Variants in ZNF695 observed in about 807,000 individuals in gnomAD.
ZNF695 encodes the protein zinc finger protein SBZF3.
Under a neutral mutation model 11.2 loss-of-function variants are expected in ZNF695, and 11 were observed. That is an observed-to-expected ratio of 0.98 (90% CI 0.62 to 1.62). The LOEUF is 1.62. ZNF695 is among the 40% of genes most tolerant of loss of function. ZNF695 has a pLI of 0.00. For synonymous variants in ZNF695, 190 were observed against 201.4 expected (o/e 0.94, Z 0.48); for missense variants, 559 against 590.5 (o/e 0.95, Z 0.55).
chr1:246,981,465 T>G (rs1446638361), downstream of ZNF695, among the ~76,000 whole-genome samples: 2 of 152,202 alleles, frequency 1.3e-5, no homozygotes, highest in Non-Finnish European at 2.9e-5. Context: ...AATTTTGAAA[T>G]ATATAATATT....
chr1:246,981,124 T>C (rs1051993407), downstream of ZNF695, among the ~76,000 whole-genome samples: 3 of 152,244 alleles, frequency 2.0e-5, no homozygotes, highest in African/African-American at 7.2e-5. Flanking sequence ...AACACATATA[T>C]TTTTAAATGT....
Position 247,007,925 on chromosome 1 carries a change from G to A in ZNF695, c.-17C>T. The A allele has an allele frequency of 6.6e-7, 1 of 1,523,430 alleles. No homozygotes were observed. Among genetic ancestry groups the A allele is most frequent in the Non-Finnish European group, 8.9e-7 (1 of 1,127,936 alleles). The allele number at this position is 1,523,430 out of a possible 1,614,324, so 94.4% of individuals were successfully genotyped here. A position where few individuals can be genotyped will look rare whatever the true frequency, so the allele number is the denominator to read the frequency against. On this transcript the variant is annotated 5_prime_UTR_variant, in exon 1 of 4. Transcript: ENST00000339986. The stretch of plus-strand genomic sequence containing the variant: ...ACTCACCATTTCCCAGCTTTTGGGG[G>A]TCCCAGCGTCCTCCCTATAAATCTC...
At chr1:246,970,292 G>A (rs770783524) in intron 4 of ZNF695, among the ~76,000 whole-genome samples, 7 of 152,168 alleles carry the variant, frequency 4.6e-5, no homozygotes, top group Non-Finnish European at 1.0e-4. Context: ...TAGGACTGTA[G>A]GTAGTGTAAA....
Position 246,986,550 on chromosome 1 carries a change from T to C in ZNF695, c.*417A>G, listed in dbSNP as rs753984574. On this transcript the variant is annotated 3_prime_UTR_variant, in exon 4 of 4. Coordinates refer to ENST00000339986, the MANE Select transcript of ZNF695 (RefSeq NM_020394.5). ...GATGTGTTTTGATGTAATTTTTGAT[T>C]AGACATTTTTTCACATTTACTGCAT... 22 of 991,936 alleles carry C rather than the reference T, an allele frequency of 2.2e-5. No individual in the cohort carries two copies. Among genetic ancestry groups the C allele is most frequent in the Non-Finnish European group, 2.6e-5 (22 of 834,484 alleles). The allele number at this position is 991,936 out of a possible 1,614,324, so 61.4% of individuals were successfully genotyped here. A position where few individuals can be genotyped will look rare whatever the true frequency, so the allele number is the denominator to read the frequency against.
At chr1:246,949,903 T>C (rs920673657) in intron 5 of ZNF695, among the ~76,000 whole-genome samples, 2 of 152,236 alleles carry the variant, frequency 1.3e-5, no homozygotes, top group African/African-American at 2.4e-5. Flanking sequence ...AGTGACATTC[T>C]GTAGCAGGAA....
intron 3 of ZNF695, among the ~76,000 whole-genome samples, chr1:246,998,736 G>A (rs1363960556): frequency 6.6e-6 from 1 of 152,200 alleles, no homozygotes; most frequent in South Asian, 2.1e-4. Flanking sequence ...GGGAGGCCGA[G>A]GCAGGTGGAT....
At chr1:246,988,321 T>C in intron 3 of ZNF695, 66 bp from the exon 4 acceptor site, 2 of 1,236,070 alleles carry the variant, frequency 1.6e-6, no homozygotes, top group Non-Finnish European at 1.1e-6. Context: ...ATCTAAGGCA[T>C]AAAATTATAC....
At chr1:247,004,216 G>A (rs374374968) in intron 1 of ZNF695, among the ~76,000 whole-genome samples, 3 of 152,098 alleles carry the variant, frequency 2.0e-5, no homozygotes, top group East Asian at 3.9e-4. Flanking sequence ...ATCTCAAAAA[G>A]AACAACAACA....
intron 5 of ZNF695, among the ~76,000 whole-genome samples, chr1:246,965,405 C>T (rs1021698059): frequency 3.3e-5 from 5 of 150,928 alleles, no homozygotes; most frequent in African/African-American, 1.2e-4. Context: ...CTAGCACGCT[C>T]GGCCCATTTG....
intron 3 of ZNF695, among the ~76,000 whole-genome samples, chr1:246,994,522 CAGAT>C (rs1431162429): frequency 6.6e-6 from 1 of 151,580 alleles, no homozygotes; most frequent in African/African-American, 2.4e-5. Context: ...GCCTGGGTGA[CAGAT>C]AGAGACCCTA....
chr1:246,960,097 G>A (rs1482686594), intron 5 of ZNF695, among the ~76,000 whole-genome samples: 3 of 152,130 alleles, frequency 2.0e-5, no homozygotes, highest in Non-Finnish European at 2.9e-5. Context: ...CAGTTGAGAA[G>A]CTTCATGAAT....
chr1:246,954,600 G>A (rs1186655133), intron 5 of ZNF695, among the ~76,000 whole-genome samples: 1 of 152,138 alleles, frequency 6.6e-6, no homozygotes, highest in Non-Finnish European at 1.5e-5. Context: ...TTGGAATCAG[G>A]CTTCTATATA....
intron 3 of ZNF695, among the ~76,000 whole-genome samples, chr1:246,991,981 G>A (rs1167103854): frequency 2.0e-5 from 3 of 151,884 alleles, no homozygotes; most frequent in African/African-American, 7.3e-5. Flanking sequence ...AGATCACAAG[G>A]TCAAAAGATT....
chr1:246,999,320 T>A (rs762460673), intron 3 of ZNF695, 28 bp downstream of exon 3: 2 of 1,556,306 alleles, frequency 1.3e-6, no homozygotes, highest in Non-Finnish European at 1.8e-6. Flanking sequence ...AACCCCTACC[T>A]GTGTTCGCTT....
chr1:246,966,935 T>G, intron 5 of ZNF695: 1 of 429,902 alleles, frequency 2.3e-6, no homozygotes, highest in Non-Finnish European at 4.6e-6. Context: ...AATGTTACTT[T>G]TTTTGTTGTT....
intron 4 of ZNF695, among the ~76,000 whole-genome samples, chr1:246,977,412 A>G (rs1181975583): frequency 6.6e-6 from 1 of 152,188 alleles, no homozygotes; most frequent in East Asian, 1.9e-4. Flanking sequence ...GCCCGCCACC[A>G]TACCTGGCTA....
rs747883899 is a variant in ZNF695, at chr1:246,999,379, G to A, written c.228C>T (p.Asn76=). 17 of 1,613,964 alleles carry A rather than the reference G, an allele frequency of 1.1e-5. No homozygotes were observed. The highest frequency in any genetic ancestry group is 1.6e-4 in the Middle Eastern group (1 of 6,062). Residue 76 remains asparagine, a synonymous_variant, in exon 3 of 4, where the codon AAC becomes AAT. Coordinates refer to ENST00000339986, the MANE Select transcript of ZNF695 (RefSeq NM_020394.5). ...GTCTGGCTGTCTTCTCTGTGTTCAC[G>A]TTCCAGGGCTCTTTCCTTGCCTCCA... ...ICLEARKEPW[N]VNTEKTARHS... is the part of the protein sequence containing the mutation.
At chr1:246,981,356 G>A (rs1668707971), downstream of ZNF695, among the ~76,000 whole-genome samples, 1 of 152,104 alleles carries the variant, frequency 6.6e-6, no homozygotes, top group African/African-American at 2.4e-5. Flanking sequence ...ACTACCATAT[G>A]ACACAGCAAT....
intron 1 of ZNF695, among the ~76,000 whole-genome samples, chr1:247,003,379 A>T (rs997881044): frequency 6.6e-6 from 1 of 152,244 alleles, no homozygotes; most frequent in Non-Finnish European, 1.5e-5. Flanking sequence ...GTTCTCTCTT[A>T]TATGTGGGAG....
Sources: allele counts gnomAD v4.1 joint callset (sites outside exome capture counted in the v4.1 genomes callset), GRCh38; gene constraint gnomAD v4.1.1; transcripts MANE v1.5; gene names NCBI Gene and HGNC (gene_info 2026-07-23, HGNC 2026-07-21).